Variants in COL25A1 observed in about 807,000 individuals in gnomAD.
COL25A1 encodes the protein collagen type XXV alpha 1 chain.
A neutral mutation model predicts 128.4 loss-of-function variants in COL25A1; 103 were observed. That is an observed-to-expected ratio of 0.80 (90% CI 0.68 to 0.94). The LOEUF is 0.94. COL25A1 is among the 40% of genes least tolerant of loss of function. COL25A1 has a pLI of 0.00. For synonymous variants in COL25A1, 279 were observed against 277.2 expected (o/e 1.01, Z -0.06); for missense variants, 745 against 840.0 (o/e 0.89, Z 1.40).
intron 3 of COL25A1, among the ~76,000 whole-genome samples, chr4:109,150,462 T>G (rs1263178112): frequency 6.6e-6 from 1 of 152,128 alleles, no homozygotes; most frequent in African/African-American, 2.4e-5. Context: ...GGATGTTGCA[T>G]AGCAAGAACT....
chr4:109,139,658 C>A (rs1456949601), intron 3 of COL25A1, among the ~76,000 whole-genome samples: 1 of 151,804 alleles, frequency 6.6e-6, no homozygotes, highest in South Asian at 2.1e-4. Flanking sequence ...TTCCTTCCCC[C>A]ACCTTTTATT....
chr4:109,056,440 ATT>A (rs1319512470), intron 3 of COL25A1, among the ~76,000 whole-genome samples: 1 of 152,136 alleles, frequency 6.6e-6, no homozygotes, highest in Non-Finnish European at 1.5e-5. Context: ...CCTAGAGGAT[ATT>A]TTTTAGATCA....
intron 29 of COL25A1, 38 bp from the exon 30 acceptor site, chr4:108,844,607 C>T (rs1231969375): frequency 4.4e-6 from 7 of 1,597,058 alleles, no homozygotes; most frequent in Non-Finnish European, 6.0e-6. Flanking sequence ...TTGGTTACTT[C>T]ATTTAGATAA....
chr4:109,039,568 C>T (rs1462401963), intron 5 of COL25A1, among the ~76,000 whole-genome samples: 1 of 152,178 alleles, frequency 6.6e-6, no homozygotes, highest in Non-Finnish European at 1.5e-5. Context: ...GGATTATATT[C>T]TCTACTGTCC....
chr4:108,965,663 A>C, intron 8 of COL25A1, among the ~76,000 whole-genome samples: 1 of 152,192 alleles, frequency 6.6e-6, no homozygotes, highest in East Asian at 1.9e-4. Context: ...ATGAGGGCAG[A>C]GGCTCTTATG....
chr4:108,822,848 G>T (rs1731940444), intron 35 of COL25A1, among the ~76,000 whole-genome samples: 1 of 152,178 alleles, frequency 6.6e-6, no homozygotes, highest in South Asian at 2.1e-4. Context: ...TTATACTTCA[G>T]TTTCCTTGTT....
chr4:108,859,981 AT>A (rs35376289), intron 23 of COL25A1, among the ~76,000 whole-genome samples: 2 of 152,190 alleles, frequency 1.3e-5, no homozygotes, highest in South Asian at 4.1e-4. Context: ...ATACGATTTA[AT>A]TTTTGAAACT....
chr4:109,147,120 C>T (rs1378825884), intron 3 of COL25A1, among the ~76,000 whole-genome samples: 2 of 152,224 alleles, frequency 1.3e-5, no homozygotes, highest in Non-Finnish European at 2.9e-5. Flanking sequence ...TTGCATTTCT[C>T]ACCTGTATTT....
chr4:108,954,882 T>C (rs550817376), intron 8 of COL25A1, among the ~76,000 whole-genome samples: 1 of 152,072 alleles, frequency 6.6e-6, no homozygotes, highest in African/African-American at 2.4e-5. Flanking sequence ...AAACTTTCTC[T>C]GATATCTTAA....
intron 3 of COL25A1, among the ~76,000 whole-genome samples, chr4:109,063,561 C>G (rs1414000076): frequency 6.6e-6 from 1 of 151,444 alleles, no homozygotes; most frequent in Non-Finnish European, 1.5e-5. Context: ...TGAGGTACAG[C>G]CCCAGTGCAG....
chr4:109,261,703 CTT>C (rs200946861), intron 3 of COL25A1, among the ~76,000 whole-genome samples: 7 of 144,308 alleles, frequency 4.9e-5, no homozygotes, highest in Admixed American at 6.9e-5. Flanking sequence ...TTTCTTTTTT[CTT>C]TTTTTTTTTT....
chr4:109,242,683 G>A (rs780131326), intron 3 of COL25A1, among the ~76,000 whole-genome samples: 1 of 151,962 alleles, frequency 6.6e-6, no homozygotes, highest in Non-Finnish European at 1.5e-5. Context: ...AGAAGTGACT[G>A]GCTTTTTATT....
chr4:108,973,439 A>G lies in COL25A1; in HGVS notation c.492+928T>C, dbSNP rs1578942781. 3.9e-5 allele frequency among the ~76,000 whole-genome samples: 6 copies of G among 152,380 alleles called. No individual in the cohort carries two copies. The East Asian group carries it at 1.2e-3, about 29-fold the overall frequency. On this transcript the variant is annotated intron_variant, in intron 8 of 37. Transcript: ENST00000399132. ...AACATGAGGAGATAATACAACTACA[A>G]ACCTTTCAAGTTTGCATCAACTGCA...
At chr4:108,901,014 G>A (rs956648272) in intron 14 of COL25A1, 105 bp downstream of exon 14, 25 of 831,532 alleles carry the variant, frequency 3.0e-5, no homozygotes, top group Non-Finnish European at 4.4e-5. Flanking sequence ...AAATACCCAT[G>A]TAAGTGCAAC....
At chr4:109,134,921 T>G (rs1393279073) in intron 3 of COL25A1, among the ~76,000 whole-genome samples, 4 of 146,870 alleles carry the variant, frequency 2.7e-5, no homozygotes, top group African/African-American at 7.6e-5. Context: ...CAAGAAGAAA[T>G]AGAGGGTCAA....
intron 3 of COL25A1, among the ~76,000 whole-genome samples, chr4:109,219,470 C>G (rs568800455): frequency 7.0e-4 from 107 of 152,078 alleles, no homozygotes; most frequent in African/African-American, 2.5e-3. Context: ...AGTCTGTACC[C>G]TATGTTCCTT....
chr4:108,893,330 C>T (rs1007441121), intron 16 of COL25A1, among the ~76,000 whole-genome samples: 1 of 152,144 alleles, frequency 6.6e-6, no homozygotes, highest in African/African-American at 2.4e-5. Flanking sequence ...CACAAATACC[C>T]CATTTCGCAC....
intron 8 of COL25A1, among the ~76,000 whole-genome samples, chr4:108,945,020 G>A (rs1390823147): frequency 2.6e-5 from 4 of 152,138 alleles, no homozygotes; most frequent in African/African-American, 7.2e-5. Flanking sequence ...GATTTGGGCT[G>A]CAATGTGCTA....
chr4:108,900,913 A>C (rs549563561), intron 14 of COL25A1, among the ~76,000 whole-genome samples: 1 of 152,196 alleles, frequency 6.6e-6, no homozygotes, highest in African/African-American at 2.4e-5. Flanking sequence ...CATCCCATTT[A>C]TTTTTCTGCA....
Sources: gnomAD v4.1 joint callset for allele counts (sites outside exome capture counted in the v4.1 genomes callset) on GRCh38, gnomAD v4.1.1 for gene constraint, MANE v1.5 for transcripts, NCBI Gene and HGNC (gene_info 2026-07-23, HGNC 2026-07-21) for gene names.